The following CPQ variants were observed in gnomAD, a reference collection of about 807,000 sequenced individuals.
The protein encoded by CPQ is carboxypeptidase Q, also known as Ser-Met dipeptidase.
Under a neutral mutation model 45.7 loss-of-function variants are expected in CPQ, and 37 were observed. The observed-to-expected ratio is 0.81, with a 90% confidence interval of 0.62 to 1.07. CPQ has a LOEUF of 1.07. CPQ is among the 50% of genes least tolerant of loss of function. The pLI is 0.00. For missense variants in CPQ, 537 were observed against 572.9 expected (o/e 0.94, Z 0.64); for synonymous variants, 186 against 205.8 (o/e 0.90, Z 0.82).
intron 1 of CPQ, among the ~76,000 whole-genome samples, chr8:96,652,256 T>A (rs1815585390): frequency 6.6e-6 from 1 of 152,242 alleles, no homozygotes; most frequent in Non-Finnish European, 1.5e-5. Context: ...TTATTGCATT[T>A]AGCATAATGT....
chr8:96,926,622 T>TCTTCTTCTTCTTCTTCTC lies in CPQ; in HGVS notation c.850-39311_850-39310insTCTTCTTCTTCTTCTCCT, dbSNP rs1554578116. Among the ~76,000 whole-genome samples, 17 of 123,832 alleles carry TCTTCTTCTTCTTCTTCTC rather than the reference T, an allele frequency of 1.4e-4. No individual in the cohort carries two copies. The East Asian group carries it at 1.6e-3, about 12-fold the overall frequency. 81.2% of individuals were successfully genotyped at this position (123,832 alleles called of 152,430 possible). ...TTCTTCTTCTTCTTCTTCTTCTTCT[T>TCTTCTTCTTCTTCTTCTC]CTCCTCCTTCTCCTTCTTCTTCTTC... On this transcript the variant is annotated intron_variant, in intron 4 of 7. Transcript: ENST00000220763.
chr8:96,882,548 G>A (rs1812242140), intron 4 of CPQ, among the ~76,000 whole-genome samples: 1 of 152,108 alleles, frequency 6.6e-6, no homozygotes, highest in South Asian at 2.1e-4. Context: ...AAGGTTGTGG[G>A]CAGGTGGGTG....
At chr8:97,031,471 C>T (rs1021997386) in intron 6 of CPQ, among the ~76,000 whole-genome samples, 1 of 152,134 alleles carries the variant, frequency 6.6e-6, no homozygotes, top group Non-Finnish European at 1.5e-5. Context: ...CAGGTGTGAG[C>T]CACCGTGCCC....
intron 1 of CPQ, among the ~76,000 whole-genome samples, chr8:96,729,305 G>T (rs919961389): frequency 6.6e-6 from 1 of 152,166 alleles, no homozygotes; most frequent in Non-Finnish European, 1.5e-5. Flanking sequence ...CTGGAGGATG[G>T]ATAAAAGGGC....
intron 4 of CPQ, among the ~76,000 whole-genome samples, chr8:96,932,061 A>G (rs554833877): frequency 7.0e-4 from 106 of 152,300 alleles, no homozygotes; most frequent in Middle Eastern, 3.4e-3. Flanking sequence ...AATTTTTTCA[A>G]ACATATTTTT....
intron 1 of CPQ, among the ~76,000 whole-genome samples, chr8:96,693,504 A>C (rs1809332196): frequency 6.6e-6 from 1 of 152,240 alleles, no homozygotes; most frequent in Admixed American, 6.5e-5. Context: ...TCTCCAATAC[A>C]TCTGGCAGCA....
intron 1 of CPQ, among the ~76,000 whole-genome samples, chr8:96,759,043 G>T (rs1250548533): frequency 6.6e-6 from 1 of 152,086 alleles, no homozygotes; most frequent in African/African-American, 2.4e-5. Flanking sequence ...TATTTTCTAC[G>T]GAGAGCTTGG....
At chr8:96,768,363 T>C (rs961231156) in intron 1 of CPQ, among the ~76,000 whole-genome samples, 3 of 152,014 alleles carry the variant, frequency 2.0e-5, no homozygotes, top group Admixed American at 6.6e-5. Flanking sequence ...TAATTTCCCC[T>C]TGACGCCACG....
chr8:96,809,551 A>G (rs1669607908), intron 2 of CPQ, among the ~76,000 whole-genome samples: 1 of 152,190 alleles, frequency 6.6e-6, no homozygotes, highest in South Asian at 2.1e-4. Context: ...AACTTTAGCA[A>G]CAGAAATCAG....
chr8:96,760,108 C>T (rs1038822342), intron 1 of CPQ, among the ~76,000 whole-genome samples: 2 of 152,212 alleles, frequency 1.3e-5, no homozygotes, highest in Admixed American at 1.3e-4. Context: ...AGATATTCAA[C>T]ATAGCATAGC....
intron 4 of CPQ, among the ~76,000 whole-genome samples, chr8:96,916,863 T>A (rs1450916431): frequency 6.6e-6 from 1 of 152,064 alleles, no homozygotes; most frequent in Non-Finnish European, 1.5e-5. Context: ...TGTCATATGT[T>A]TTTCAAAAGT....
intron 6 of CPQ, among the ~76,000 whole-genome samples, chr8:97,063,052 G>A (rs553653537): frequency 2.0e-3 from 308 of 152,178 alleles, no homozygotes; most frequent in African/African-American, 6.8e-3. Context: ...TTGAGGAGTC[G>A]CCACACTGCT....
intron 4 of CPQ, among the ~76,000 whole-genome samples, chr8:96,890,100 A>G (rs116626769): frequency 0.021 from 3,144 of 152,292 alleles, 113 homozygotes; most frequent in African/African-American, 0.072. Context: ...TAATACAGCT[A>G]TCTCTTGTGC....
chr8:96,898,241 T>G (rs2130894691), intron 4 of CPQ, among the ~76,000 whole-genome samples: 1 of 152,176 alleles, frequency 6.6e-6, no homozygotes, highest in East Asian at 1.9e-4. Context: ...AGCCTCAGTT[T>G]TTCTTCCCCC....
At chr8:97,031,626 A>C (rs1322970853) in intron 6 of CPQ, among the ~76,000 whole-genome samples, 2 of 152,230 alleles carry the variant, frequency 1.3e-5, no homozygotes, top group Non-Finnish European at 2.9e-5. Flanking sequence ...GTTTCACTGT[A>C]GCCTATCAAA....
In CPQ at chr8:97,111,442, G is replaced by A. The variant is rs983711079; in HGVS notation, c.1256-31578G>A. On this transcript the variant is annotated intron_variant, in intron 7 of 7. Coordinates refer to ENST00000220763, the MANE Select transcript of CPQ (RefSeq NM_016134.4). ...GAAAGAGGAATCTGAGAACAGAAGA[G>A]AGCTCCCTAAATGACAAGTGTACCC... 7.9e-5 allele frequency among the ~76,000 whole-genome samples: 12 copies of A among 152,154 alleles called. 1 individual carries two copies. Among genetic ancestry groups the A allele is most frequent in the Admixed American group, 3.9e-4 (6 of 15,278 alleles).
At chr8:96,671,545 GA>G (rs1369722977) in intron 1 of CPQ, among the ~76,000 whole-genome samples, 1 of 152,102 alleles carries the variant, frequency 6.6e-6, no homozygotes, top group African/African-American at 2.4e-5. Context: ...CAAAACAAAA[GA>G]AAAACAAATG....
At chr8:96,696,975 C>CA (rs955280981) in intron 1 of CPQ, among the ~76,000 whole-genome samples, 1 of 151,988 alleles carries the variant, frequency 6.6e-6, no homozygotes. Context: ...CAAACTAGTC[C>CA]AAAAAATAGA....
intron 7 of CPQ, among the ~76,000 whole-genome samples, chr8:97,085,869 T>C (rs1233170740): frequency 6.6e-6 from 1 of 152,218 alleles, no homozygotes; most frequent in African/African-American, 2.4e-5. Flanking sequence ...AATCTTTAAA[T>C]ATCAAATGTG....
Sources: gnomAD v4.1 joint callset for allele counts (sites outside exome capture counted in the v4.1 genomes callset) on GRCh38, gnomAD v4.1.1 for gene constraint, MANE v1.5 for transcripts, NCBI Gene and HGNC (gene_info 2026-07-23, HGNC 2026-07-21) for gene names.